The following PAX5 variants were observed in gnomAD, a reference collection of about 807,000 sequenced individuals.
The protein encoded by PAX5 is paired box 5.
In PAX5, 9 loss-of-function variants were observed where a neutral mutation model predicts 43.7. The ratio of observed to expected loss-of-function variants is 0.21; its 90% CI spans 0.12 to 0.36. The LOEUF is 0.36. Ranked by LOEUF, PAX5 falls within the 10% of genes least tolerant of loss-of-function variation. The pLI is 1.00. For missense variants in PAX5, 383 were observed against 532.7 expected (o/e 0.72, Z 2.77); for synonymous variants, 228 against 214.3 (o/e 1.06, Z -0.56).
chr9:36,991,655 A>G (rs1293718995), intron 5 of PAX5, among the ~76,000 whole-genome samples: 1 of 152,158 alleles, frequency 6.6e-6, no homozygotes, highest in African/African-American at 2.4e-5. Context: ...CCCAGTTACA[A>G]GCATACCAAG....
Position 36,923,180 on chromosome 9 carries a change from C to T in PAX5, c.910+175G>A, listed in dbSNP as rs922488645. ...TTGTTGGAATCATATCCAGCCATGT[C>T]TCATCACAGCTGCAACCCTGGCCCC... On this transcript the variant is annotated intron_variant, in intron 7 of 9. Transcript: ENST00000358127. The T allele has an allele frequency of 1.4e-5, 9 of 665,512 alleles. No individual in the cohort carries two copies. In the African/African-American group the frequency reaches 1.6e-4, roughly 12 times the overall value. The allele number at this position is 665,512 out of a possible 1,614,324, so 41.2% of individuals were successfully genotyped here.
chr9:36,941,218 G>T, intron 6 of PAX5, among the ~76,000 whole-genome samples: 1 of 152,210 alleles, frequency 6.6e-6, no homozygotes, highest in East Asian at 1.9e-4. Context: ...GCCCCTGTGT[G>T]CCTCAGCTAC....
rs55801947 is a variant in PAX5 at position 36,950,735 on chromosome 9, CTTTTTTT to C, written c.780+15807_780+15813del. 2.6e-4 allele frequency among the ~76,000 whole-genome samples: 30 copies of C among 116,684 alleles called. 1 individual carries two copies. The South Asian group carries it at 7.4e-3, about 29-fold the overall frequency. The allele number at this position is 116,684 out of a possible 152,430, so 76.5% of individuals were successfully genotyped here. ...CATTCTTGCATATCCACTGAGTTTT[CTTTTTTT>C]TTTTTTTTTTTTTTTTGAGATGGAG... On this transcript the variant is annotated intron_variant, in intron 6 of 9. Transcript: ENST00000358127.
At chr9:37,000,472 G>A (rs964414571) in intron 5 of PAX5, among the ~76,000 whole-genome samples, 4 of 152,216 alleles carry the variant, frequency 2.6e-5, no homozygotes, top group Admixed American at 6.5e-5. Context: ...GATCACCCAG[G>A]CCAGGAACAG....
At chr9:36,964,867 T>C (rs757284483) in intron 6 of PAX5, among the ~76,000 whole-genome samples, 2 of 152,148 alleles carry the variant, frequency 1.3e-5, no homozygotes, top group Non-Finnish European at 2.9e-5. Context: ...GAGGTGTCAC[T>C]CGACTTGTAA....
chr9:36,869,826 G>GAA (rs1825252194), intron 8 of PAX5, among the ~76,000 whole-genome samples: 1 of 150,424 alleles, frequency 6.6e-6, no homozygotes, highest in African/African-American at 2.5e-5. Flanking sequence ...ATGGATGGAT[G>GAA]AATAGATGGA....
At chr9:36,872,158 G>A (rs11515378) in intron 8 of PAX5, among the ~76,000 whole-genome samples, 73,316 of 152,094 alleles carry the variant, frequency 0.48, 21,069 homozygotes, top group East Asian at 0.68. Context: ...CTTCCCGATC[G>A]AGACATGGGA....
At chr9:36,845,651 G>T (rs1004130781) in intron 9 of PAX5, among the ~76,000 whole-genome samples, 2 of 152,144 alleles carry the variant, frequency 1.3e-5, no homozygotes, top group Admixed American at 6.5e-5. Context: ...ACAGCCCAAG[G>T]TCCCAAGAGC....
intron 8 of PAX5, among the ~76,000 whole-genome samples, chr9:36,877,165 G>A (rs548766992): frequency 3.3e-5 from 5 of 152,144 alleles, no homozygotes; most frequent in South Asian, 2.1e-4. Context: ...GGCAAAACCC[G>A]TCTCTACAAA....
intron 2 of PAX5, among the ~76,000 whole-genome samples, chr9:37,019,158 T>G (rs1000329245): frequency 2.0e-5 from 3 of 152,182 alleles, no homozygotes; most frequent in Non-Finnish European, 4.4e-5. Context: ...TTGTCATTTA[T>G]CTATCTCTTT....
chr9:36,930,764 G>A (rs1051569976), intron 6 of PAX5: 2 of 1,044,416 alleles, frequency 1.9e-6, no homozygotes, highest in African/African-American at 1.6e-5. Flanking sequence ...GAGGGGTAAG[G>A]AGAGGGACAC....
intron 7 of PAX5, among the ~76,000 whole-genome samples, chr9:36,896,463 C>T (rs1170089991): frequency 6.6e-6 from 1 of 152,048 alleles, no homozygotes; most frequent in East Asian, 1.9e-4. Flanking sequence ...CCAAGCCCAT[C>T]CCACAGAGGC....
Position 37,034,086 on chromosome 9 carries a change from G to GC in PAX5, c.-56dup. On this transcript the variant is annotated 5_prime_UTR_variant, in exon 1 of 10. Transcript: ENST00000358127. Reference sequence around the variant, plus strand: ...CAGGGAAAAGTTTCCACTTTTTTGTGCCTTTTTTTTTCTTTTTTTTTTTTT... The same window carrying GC: ...CAGGGAAAAGTTTCCACTTTTTTGTGCCCTTTTTTTTTCTTTTTTTTTTTTT... The GC allele has an allele frequency of 1.6e-6, 1 of 631,454 alleles. No individual in the cohort carries two copies. The highest frequency in any genetic ancestry group is 3.1e-5 in the South Asian group (1 of 32,660). The allele number at this position is 631,454 out of a possible 1,614,324, so 39.1% of individuals were successfully genotyped here. A position where few individuals can be genotyped will look rare whatever the true frequency, so the allele number is the denominator to read the frequency against.
At chr9:36,978,997 A>G (rs1024249879) in intron 5 of PAX5, among the ~76,000 whole-genome samples, 9 of 152,212 alleles carry the variant, frequency 5.9e-5, no homozygotes, top group South Asian at 2.1e-4. Flanking sequence ...TGAAATGAAC[A>G]TCATGCTTTA....
At chr9:37,006,449 AT>A (rs759398035) in intron 4 of PAX5, 23 bp downstream of exon 4, 10 of 1,581,654 alleles carry the variant, frequency 6.3e-6, no homozygotes, top group Admixed American at 1.7e-5. Flanking sequence ...AGATTTTTAA[AT>A]TTTTTTTAAA....
chr9:36,950,890 A>G (rs1391499008), intron 6 of PAX5, among the ~76,000 whole-genome samples: 1 of 151,712 alleles, frequency 6.6e-6, no homozygotes, highest in East Asian at 1.9e-4. Flanking sequence ...ACAGGCACAC[A>G]CCACCACGCC....
At chr9:36,908,123 T>C (rs1244155739) in intron 7 of PAX5, among the ~76,000 whole-genome samples, 1 of 150,290 alleles carries the variant, frequency 6.7e-6, no homozygotes, top group Admixed American at 6.7e-5. Context: ...CCCTTGAGGC[T>C]GGGAGGACAA....
intron 3 of PAX5, among the ~76,000 whole-genome samples, chr9:37,009,163 T>C (rs2065492829): frequency 6.6e-6 from 1 of 152,252 alleles, no homozygotes. Flanking sequence ...AAAATAGTTA[T>C]AAATATCACT....
At chr9:36,868,437 C>CGG (rs1038011722) in intron 8 of PAX5, among the ~76,000 whole-genome samples, 1 of 152,140 alleles carries the variant, frequency 6.6e-6, no homozygotes, top group Non-Finnish European at 1.5e-5. Context: ...GGGCAGTGCC[C>CGG]GGGGGGTGCA....
Sources: allele counts gnomAD v4.1 joint callset (sites outside exome capture counted in the v4.1 genomes callset), GRCh38; gene constraint gnomAD v4.1.1; transcripts MANE v1.5; gene names NCBI Gene and HGNC (gene_info 2026-07-23, HGNC 2026-07-21).